The following SRP54 variants were observed in gnomAD, a reference collection of about 807,000 sequenced individuals.
SRP54 encodes signal recognition particle 54, also known as signal recognition particle subunit SRP54.
In SRP54, 10 loss-of-function variants were observed where a neutral mutation model predicts 64.8. That is an observed-to-expected ratio of 0.15 (90% CI 0.10 to 0.26). The LOEUF is 0.26. Among genes scored for constraint, SRP54 ranks in the 10% least tolerant of loss-of-function variants. The pLI, the probability that SRP54 is intolerant of heterozygous loss-of-function variation, is 1.00. For synonymous variants in SRP54, 193 were observed against 185.6 expected, an observed-to-expected ratio of 1.04 and a Z score of -0.32; for missense variants, 325 against 613.7, an observed-to-expected ratio of 0.53 and a Z score of 4.97.
At chr14:35,012,941 G>GT (rs761844773) in intron 8 of SRP54, among the ~76,000 whole-genome samples, 43,020 of 118,346 alleles carry the variant, frequency 0.36, 9,481 homozygotes, top group Non-Finnish European at 0.47. Context: ...AAATGTTGTA[G>GT]TTTTTTTTTT....
chr14:35,017,356 T>C (rs1257785334), intron 11 of SRP54, among the ~76,000 whole-genome samples: 2 of 152,208 alleles, frequency 1.3e-5, no homozygotes, highest in Non-Finnish European at 2.9e-5. Context: ...CTTTCTTGTT[T>C]TCCTTGGTTC....
At chr14:35,019,414 G>C in intron 13 of SRP54, 1 of 187,044 alleles carries the variant, frequency 5.3e-6, no homozygotes, top group Non-Finnish European at 1.1e-5. Flanking sequence ...GGGTGAGGTG[G>C]CTCACACCTG....
intron 13 of SRP54, among the ~76,000 whole-genome samples, chr14:35,021,244 A>G (rs913960041): frequency 1.3e-5 from 2 of 152,214 alleles, no homozygotes; most frequent in African/African-American, 4.8e-5. Flanking sequence ...GGAAATCAGG[A>G]TGATAAATGG....
intron 7 of SRP54, among the ~76,000 whole-genome samples, chr14:35,009,933 A>C (rs1441022963): frequency 6.6e-6 from 1 of 151,806 alleles, no homozygotes; most frequent in Non-Finnish European, 1.5e-5. Flanking sequence ...GCGGATTATG[A>C]GGTCAGGAGT....
chr14:35,007,725 T>C (rs556099275), intron 5 of SRP54, among the ~76,000 whole-genome samples: 4 of 146,092 alleles, frequency 2.7e-5, no homozygotes, highest in African/African-American at 9.8e-5. Flanking sequence ...TTACATAAAA[T>C]AGATTTTATT....
Position 35,007,671 on chromosome 14 carries a change from T to TA in SRP54, c.360+284_360+285insA, listed in dbSNP as rs2044284525. On this transcript the variant is annotated intron_variant, in intron 5 of 15. Transcript: ENST00000216774. ...AAAATATATTTACATAAAATAGATT[T>TA]TATTAAAATATATTTACATAAAATA... Among the ~76,000 whole-genome samples the TA allele has an allele frequency of 3.5e-5, 3 of 85,244 alleles. No homozygotes were observed. In the Admixed American group the frequency reaches 3.6e-4, roughly 10 times the overall value. The allele number at this position is 85,244 out of a possible 152,430, so 55.9% of individuals were successfully genotyped here.
intron 1 of SRP54, among the ~76,000 whole-genome samples, chr14:34,989,317 C>T (rs933749690): frequency 6.6e-6 from 1 of 152,018 alleles, no homozygotes; most frequent in Non-Finnish European, 1.5e-5. Context: ...ACCAGCCTGA[C>T]CAACATGGTG....
chr14:34,987,123 CG>C (rs1158996943), intron 1 of SRP54, among the ~76,000 whole-genome samples: 1 of 143,960 alleles, frequency 6.9e-6, no homozygotes, highest in Non-Finnish European at 1.5e-5. Flanking sequence ...CCCAGCTACA[CG>C]GGAGGCTGAG....
chr14:35,021,671 G>A (rs1310206368), intron 13 of SRP54, among the ~76,000 whole-genome samples: 6 of 151,990 alleles, frequency 3.9e-5, no homozygotes, highest in Non-Finnish European at 5.9e-5. Context: ...TTTTTTATGC[G>A]TAGCAAGGAG....
chr14:35,008,203 G>A (rs959511831), intron 5 of SRP54, among the ~76,000 whole-genome samples: 1 of 152,004 alleles, frequency 6.6e-6, no homozygotes, highest in Admixed American at 6.6e-5. Context: ...AGCCTTGACC[G>A]CTTTATGCTA....
At position 35,023,715 on chromosome 14, in the gene SRP54, C is replaced by T. The variant is rs1408938986; in HGVS notation, c.1327+635C>T. Among the ~76,000 whole-genome samples, 8 of 151,082 alleles carry T rather than the reference C, an allele frequency of 5.3e-5. No homozygotes were observed. The East Asian group carries it at 7.8e-4, about 15-fold the overall frequency. ...AGGAGAATCACTTGAACCCAGGAGG[C>T]GGAGCTTGCAGTGAGCCGAGATTGT... is the stretch of plus-strand genomic sequence containing the variant. On this transcript the variant is annotated intron_variant, in intron 14 of 15. Coordinates refer to ENST00000216774, the MANE Select transcript of SRP54 (RefSeq NM_003136.4).
intron 13 of SRP54, among the ~76,000 whole-genome samples, chr14:35,020,028 C>A (rs1191075070): frequency 6.6e-6 from 1 of 151,632 alleles, no homozygotes; most frequent in African/African-American, 2.4e-5. Flanking sequence ...ACTAAAAATA[C>A]AAAAAAATTA....
rs1350671961 is a variant in SRP54, at chr14:34,987,240, A to AT, written c.-34+4025_-34+4026insT. Among the ~76,000 whole-genome samples the AT allele has an allele frequency of 8.6e-3, 644 of 74,656 alleles. 11 individuals are homozygous for AT. The highest frequency in any genetic ancestry group is 0.028 in the African/African-American group (607 of 22,052). The allele number at this position is 74,656 out of a possible 152,430, so 49.0% of individuals were successfully genotyped here. ...AGAGACACTACATCTGAAAAAAAAAAAAAAAAATATATATATATATGTGTG... is the reference window on the plus strand; with the variant it reads ...AGAGACACTACATCTGAAAAAAAAAATAAAAAAATATATATATATATGTGTG... On this transcript the variant is annotated intron_variant, in intron 1 of 15. Coordinates refer to ENST00000216774, the MANE Select transcript of SRP54 (RefSeq NM_003136.4).
intron 4 of SRP54, 98 bp from the exon 5 acceptor site, chr14:35,007,185 C>A: frequency 1.5e-6 from 1 of 663,816 alleles, no homozygotes; most frequent in East Asian, 3.2e-5. Flanking sequence ...AAGAGTGTGA[C>A]CCTGTCTCAA....
intron 14 of SRP54, among the ~76,000 whole-genome samples, chr14:35,023,822 ACTT>A (rs2044575787): frequency 6.7e-6 from 1 of 149,974 alleles, no homozygotes; most frequent in Non-Finnish European, 1.5e-5. Flanking sequence ...ACACACACAC[ACTT>A]CTTCTGAGTA....
intron 11 of SRP54, among the ~76,000 whole-genome samples, chr14:35,016,623 T>C (rs1484425630): frequency 6.6e-6 from 1 of 152,198 alleles, no homozygotes; most frequent in African/African-American, 2.4e-5. Flanking sequence ...TTCTGACAGA[T>C]GTTTCTATCA....
Position 35,012,841 on chromosome 14 carries a change from T to C in SRP54, c.637-505T>C, listed in dbSNP as rs2044376338. ...GTTTCTTAGGACAAATATTTTCTCA[T>C]TTACCTTTTTGTTCTCATGACCTAG... On this transcript the variant is annotated intron_variant, in intron 8 of 15. Transcript: ENST00000216774. Among the ~76,000 whole-genome samples, 4 of 152,174 alleles carry C rather than the reference T, an allele frequency of 2.6e-5. 1 individual carries two copies. Among genetic ancestry groups the C allele is most frequent in the Admixed American group, 2.6e-4 (4 of 15,268 alleles).
chr14:34,988,420 G>C lies in SRP54; in HGVS notation c.-34+5205G>C, dbSNP rs573613101. Among the ~76,000 whole-genome samples the C allele has an allele frequency of 1.5e-3, 221 of 150,408 alleles. 1 individual carries two copies. Among genetic ancestry groups the C allele is most frequent in the African/African-American group, 5.3e-3 (219 of 41,028 alleles). ...CTACTAAAAATACAAAAATTAGGTG[G>C]GTGTGGTGGCATGCGCCTGTAGTCC... is the stretch of plus-strand genomic sequence containing the variant. On this transcript the variant is annotated intron_variant, in intron 1 of 15. Coordinates refer to ENST00000216774, the MANE Select transcript of SRP54 (RefSeq NM_003136.4).
intron 13 of SRP54, 27 bp downstream of exon 13, chr14:35,019,101 G>T (rs200990455): frequency 2.0e-6 from 3 of 1,520,178 alleles, no homozygotes; most frequent in Admixed American, 3.4e-5. Flanking sequence ...TTTTCCTCAG[G>T]CAAAAATGTT....
Sources: allele counts gnomAD v4.1 joint callset (sites outside exome capture counted in the v4.1 genomes callset), GRCh38; gene constraint gnomAD v4.1.1; transcripts MANE v1.5; gene names NCBI Gene and HGNC (gene_info 2026-07-23, HGNC 2026-07-21).